The following VWF variants were observed in gnomAD, a reference collection of about 807,000 sequenced individuals.
VWF encodes the protein Factor VIII related antigen.
VWF carries 176 observed loss-of-function variants against 308.6 expected under a neutral mutation model. The observed-to-expected ratio is 0.57, with a 90% confidence interval of 0.50 to 0.65. VWF has a LOEUF of 0.65. VWF is among the 30% of genes least tolerant of loss of function. VWF has a pLI of 0.00. For missense variants in VWF, 3,146 were observed against 3,648.2 expected, an observed-to-expected ratio of 0.86 and a Z score of 3.55; for synonymous variants, 1,385 against 1,443.4, an observed-to-expected ratio of 0.96 and a Z score of 0.92.
chr12:6,031,306 A>G (rs1017239207), intron 21 of VWF, 138 bp downstream of exon 21: 4 of 1,449,648 alleles, frequency 2.8e-6, no homozygotes, highest in Non-Finnish European at 3.8e-6. Context: ...GGTCAGTTGC[A>G]ATAGCTCTGC....
At chr12:5,965,430 G>A (rs762127216) in intron 47 of VWF, among the ~76,000 whole-genome samples, 4 of 152,054 alleles carry the variant, frequency 2.6e-5, no homozygotes, top group East Asian at 1.9e-4. Context: ...AGGTCTATTC[G>A]ACATTCAACC....
rs1354011564 is a variant in VWF at position 6,046,712 on chromosome 12, A to G, written c.2281+11T>C. On this transcript the variant is annotated intron_variant, in intron 17 of 51. Coordinates refer to ENST00000261405, the MANE Select transcript of VWF (RefSeq NM_000552.5). The surrounding 1 kb of genome is among the most constrained non-coding windows in gnomAD (Gnocchi z 5.0). ...TGGAGTCAATGGGCCTTCCAGGGGG[A>G]CAGTACTCACTGCGATGAGACAGGG... 1.9e-6 allele frequency: 3 copies of G among 1,613,174 alleles called. No homozygotes were observed. In the African/African-American group the frequency reaches 4.0e-5, roughly 22 times the overall value.
chr12:5,953,609 G>A lies in VWF; in HGVS notation c.7888-15C>T, dbSNP rs770669176. 3.7e-6 allele frequency: 6 copies of A among 1,608,964 alleles called. No individual in the cohort carries two copies. The South Asian group carries it at 5.5e-5, about 15-fold the overall frequency. Reference sequence around the variant, plus strand: ...TCCTTGTAACCCTGCATCCAGAGGGGGAAAAAGCAGCCATAGTTAACCTCC... The same window carrying A: ...TCCTTGTAACCCTGCATCCAGAGGGAGAAAAAGCAGCCATAGTTAACCTCC... On this transcript the variant is annotated splice_polypyrimidine_tract_variant and intron_variant, in intron 47 of 51. Coordinates refer to ENST00000261405, the MANE Select transcript of VWF (RefSeq NM_000552.5).
chr12:6,052,957 T>G (rs1944535272), intron 15 of VWF, among the ~76,000 whole-genome samples, 174 bp from the exon 16 acceptor site: 1 of 152,248 alleles, frequency 6.6e-6, no homozygotes, highest in Admixed American at 6.5e-5. Context: ...AGATCCCATG[T>G]ACCCTTTACC....
chr12:6,013,590 C>A lies in VWF; in HGVS notation c.5511G>T (p.Arg1837=), dbSNP rs1944022057. 11 of 1,613,794 alleles carry A rather than the reference C, an allele frequency of 6.8e-6. No individual in the cohort carries two copies. Among genetic ancestry groups the A allele is most frequent in the Non-Finnish European group, 9.3e-6 (11 of 1,179,940 alleles). Reference sequence around the variant, plus strand: ...AGTCGCCTGCTGGGCCTGCCAAGATCCGTAGCTGGGCTGCATCGTAGCGAT... The same window carrying A: ...AGTCGCCTGCTGGGCCTGCCAAGATACGTAGCTGGGCTGCATCGTAGCGAT... ...IGDRYDAAQL[R]ILAGPAGDSN... is the part of the protein sequence containing the mutation. Residue 1837 remains arginine (R), a synonymous_variant, in exon 32 of 52, where the codon CGG becomes CGT. Coordinates refer to ENST00000261405, the MANE Select transcript of VWF (RefSeq NM_000552.5).
At chr12:6,090,824 T>G (rs1249599162) in intron 6 of VWF, among the ~76,000 whole-genome samples, 1 of 152,214 alleles carries the variant, frequency 6.6e-6, no homozygotes, top group African/African-American at 2.4e-5. Context: ...GTAAGTGAGC[T>G]GACTCAAACC....
intron 47 of VWF, among the ~76,000 whole-genome samples, chr12:5,955,354 C>T (rs555119745): frequency 6.6e-6 from 1 of 152,002 alleles, no homozygotes; most frequent in Non-Finnish European, 1.5e-5. Context: ...TCTCCTAATG[C>T]TATCCCTCCC....
chr12:6,121,191 C>T lies in VWF; in HGVS notation c.203G>A (p.Arg68His), dbSNP rs753973552. 6 of 1,614,086 alleles carry T rather than the reference C, an allele frequency of 3.7e-6. No homozygotes were observed. The highest frequency in any genetic ancestry group is 1.7e-5 in the Admixed American group (1 of 60,002). ...GAACTCACCAATAATCGAGAAGGAG[C>T]GTTTCTGGCAGCCCCCTGCCAGGAG... ...SYLLAGGCQKRSFSIIGDFQN... is the reference protein window; with the variant it reads ...SYLLAGGCQKHSFSIIGDFQN... Residue 68 changes from arginine (R) to histidine (H), a missense_variant, in exon 3 of 52, where the codon CGC becomes CAC. Physicochemically the swap from Arg to His is conservative, Grantham distance 29. Transcript: ENST00000261405.
chr12:6,065,322 C>G, intron 10 of VWF, 49 bp from the exon 11 acceptor site: 1 of 1,611,588 alleles, frequency 6.2e-7, no homozygotes, highest in Non-Finnish European at 8.5e-7. Flanking sequence ...AGGGCACTTC[C>G]CCTGGGGTGG....
chr12:6,037,599 G>A (rs997094558), intron 18 of VWF, among the ~76,000 whole-genome samples: 22 of 152,302 alleles, frequency 1.4e-4, no homozygotes, highest in African/African-American at 4.1e-4. Flanking sequence ...ATGCAGACAC[G>A]CTTCTGTCCC....
intron 34 of VWF, among the ~76,000 whole-genome samples, chr12:5,998,815 C>A (rs1466405408): frequency 6.6e-6 from 1 of 152,096 alleles, no homozygotes; most frequent in Non-Finnish European, 1.5e-5. Context: ...GCAACCTCCG[C>A]CTCCCCGGGT....
At chr12:6,029,538 C>A in intron 21 of VWF, 50 bp from the exon 22 acceptor site, 1 of 1,608,850 alleles carries the variant, frequency 6.2e-7, no homozygotes, top group South Asian at 1.1e-5. Context: ...GCAGGCTCGA[C>A]AGCCAGATCC....
rs1944020559 is a variant in VWF, at chr12:6,013,470, A to G, written c.5620+11T>C. The G allele has an allele frequency of 4.3e-6, 7 of 1,614,054 alleles. No individual in the cohort carries two copies. In the Middle Eastern group the frequency reaches 4.9e-4, roughly 114 times the overall value. ...TTTTGAGGGAAGTAAGAAAGGTATT[A>G]TAAGACTCACCAGAGCACAGTTTGT... On this transcript the variant is annotated intron_variant, in intron 32 of 51. Transcript: ENST00000261405.
At chr12:6,003,785 G>T (rs1218255925) in intron 34 of VWF, among the ~76,000 whole-genome samples, 6 of 150,472 alleles carry the variant, frequency 4.0e-5, no homozygotes, top group African/African-American at 1.5e-4. Context: ...GGTGATGGTT[G>T]CACAACAATG....
rs1381767728 is a variant in VWF at position 6,018,942 on chromosome 12, C to A, written c.4476G>T (p.Arg1492Ser). 63 of 1,613,820 alleles carry A rather than the reference C, an allele frequency of 3.9e-5. No homozygotes were observed. The highest frequency in any genetic ancestry group is 5.3e-5 in the Non-Finnish European group (62 of 1,179,862). ...LLGVSTLGPKRNSMVLDVAFV... is the reference protein window; with the variant it reads ...LLGVSTLGPKSNSMVLDVAFV... Reference sequence around the variant, plus strand: ...ACGCCACATCCAGAACCATGGAGTTCCTCTTGGGCCCCAGGGTCGAAACCC... The same window carrying A: ...ACGCCACATCCAGAACCATGGAGTTACTCTTGGGCCCCAGGGTCGAAACCC... Residue 1492 changes from arginine (R) to serine (S), a missense_variant, in exon 28 of 52, where the codon AGG becomes AGT. Around this residue, in one of 3 missense-constraint regions of VWF, gnomAD observed 853 missense variants for 1,177.8 expected, o/e 0.72. Transcript: ENST00000261405.
At chr12:6,119,329 G>GC (rs1300012567) in intron 3 of VWF, among the ~76,000 whole-genome samples, 1 of 152,232 alleles carries the variant, frequency 6.6e-6, no homozygotes, top group Non-Finnish European at 1.5e-5. Context: ...CAGGGGCAGG[G>GC]CCCAGTGATC....
chr12:6,108,807 C>G (rs1390206526), intron 5 of VWF, among the ~76,000 whole-genome samples: 2 of 151,858 alleles, frequency 1.3e-5, no homozygotes, highest in Non-Finnish European at 2.9e-5. Flanking sequence ...CAGTGAAACC[C>G]TGTCTCTACT....
In VWF at chr12:5,996,058, T is replaced by C; in HGVS notation, c.6007A>G (p.Lys2003Glu). The C allele has an allele frequency of 6.2e-7, 1 of 1,613,970 alleles. No individual in the cohort carries two copies. The highest frequency in any genetic ancestry group is 8.5e-7 in the Non-Finnish European group (1 of 1,180,026). Reference sequence around the variant, plus strand: ...GCACTGTGCTTCACCTCGATGGATTTCATGCAGCCCTGCCTTGCTCCAGGG... The same window carrying C: ...GCACTGTGCTTCACCTCGATGGATTCCATGCAGCCCTGCCTTGCTCCAGGG... ...CSPGARQGCM[K>E]SIEVKHSALS... The change falls in exon 35 of 52, where the codon AAA (lysine) becomes GAA (glutamate). Residue 2003 changes from lysine to glutamate, a missense_variant. Physicochemically the swap from Lys to Glu is moderately conservative, Grantham distance 56. This residue lies in a region of VWF where 989 missense variants were observed against 1,117.4 expected (regional missense o/e 0.89). Transcript: ENST00000261405.
At chr12:6,087,895 AG>A (rs1944990872) in intron 6 of VWF, among the ~76,000 whole-genome samples, 1 of 152,104 alleles carries the variant, frequency 6.6e-6, no homozygotes, top group Non-Finnish European at 1.5e-5. Flanking sequence ...ACTCTACGGT[AG>A]GTAGAGTGGT....
Sources: allele counts gnomAD v4.1 joint callset (sites outside exome capture counted in the v4.1 genomes callset), GRCh38; gene constraint gnomAD v4.1.1; regional missense constraint gnomAD v4.1.1; non-coding constraint Gnocchi (gnomAD v3.1); transcripts MANE v1.5; gene names NCBI Gene and HGNC (gene_info 2026-07-23, HGNC 2026-07-21).